The following GRM7 variants were observed in gnomAD, a reference collection of about 807,000 sequenced individuals.
The protein encoded by GRM7 is glutamate metabotropic receptor 7.
In GRM7, 35 loss-of-function variants were observed where a neutral mutation model predicts 84.5. The ratio of observed to expected loss-of-function variants is 0.41; its 90% CI spans 0.32 to 0.55. The LOEUF (loss-of-function observed/expected upper bound fraction) is 0.55. Ranked by LOEUF, GRM7 falls within the 20% of genes least tolerant of loss-of-function variation. The probability of loss-of-function intolerance (pLI) is 0.19; values close to 1 mark genes in which losing one functional copy is unlikely to be tolerated. For synonymous variants in GRM7, 487 were observed against 455.1 expected, an observed-to-expected ratio of 1.07 and a Z score of -0.89; for missense variants, 1,003 against 1,194.6, an observed-to-expected ratio of 0.84 and a Z score of 2.36.
intron 1 of GRM7, among the ~76,000 whole-genome samples, chr3:6,877,813 A>T (rs1297913409): frequency 9.7e-5 from 2 of 20,694 alleles, no homozygotes; most frequent in Non-Finnish European, 2.3e-4. Flanking sequence ...CAGATATCAC[A>T]CACACACACA....
chr3:7,320,948 T>C (rs78617044), intron 4 of GRM7, among the ~76,000 whole-genome samples: 5,189 of 152,074 alleles, frequency 0.034, 271 homozygotes, highest in African/African-American at 0.11. Context: ...TCCTGTCTTT[T>C]TGAAGAAGAT....
intron 1 of GRM7, among the ~76,000 whole-genome samples, chr3:7,051,969 T>G (rs1215374957): frequency 7.3e-5 from 11 of 151,692 alleles, no homozygotes; most frequent in Non-Finnish European, 1.2e-4. Context: ...TAATTTTTTT[T>G]TGTGCCAGAA....
intron 7 of GRM7, among the ~76,000 whole-genome samples, chr3:7,509,447 G>A (rs1242213228): frequency 6.6e-6 from 1 of 152,120 alleles, no homozygotes; most frequent in Non-Finnish European, 1.5e-5. Context: ...CGTCTACTGG[G>A]GTCTTGGAAT....
intron 9 of GRM7, among the ~76,000 whole-genome samples, chr3:7,682,927 C>G (rs1457515557): frequency 2.6e-5 from 4 of 152,166 alleles, no homozygotes; most frequent in Non-Finnish European, 5.9e-5. Context: ...TCTTATTTTA[C>G]TGAGGAAACC....
chr3:7,115,861 G>C (rs949519139), intron 1 of GRM7, among the ~76,000 whole-genome samples: 4 of 152,068 alleles, frequency 2.6e-5, no homozygotes, highest in African/African-American at 7.2e-5. Context: ...TCATCCTCCT[G>C]GAACAGTCTA....
At chr3:7,599,734 C>A (rs545211785) in intron 8 of GRM7, among the ~76,000 whole-genome samples, 13 of 152,236 alleles carry the variant, frequency 8.5e-5, no homozygotes, top group African/African-American at 2.9e-4. Flanking sequence ...TCTTATACTC[C>A]TGAAAATCAG....
intron 5 of GRM7, among the ~76,000 whole-genome samples, chr3:7,421,079 T>A (rs1337428525): frequency 6.6e-6 from 1 of 152,226 alleles, no homozygotes; most frequent in Non-Finnish European, 1.5e-5. Context: ...GACTTTAGTG[T>A]AACATTAAAT....
intron 1 of GRM7, among the ~76,000 whole-genome samples, chr3:7,020,386 A>T (rs1461434153): frequency 6.6e-6 from 1 of 152,098 alleles, no homozygotes; most frequent in African/African-American, 2.4e-5. Context: ...ACATGGGGGG[A>T]TTTTTATAGC....
chr3:7,337,998 C>A (rs60607970), intron 4 of GRM7, among the ~76,000 whole-genome samples: 5,927 of 151,550 alleles, frequency 0.039, 242 homozygotes, highest in African/African-American at 0.11. Flanking sequence ...ATGAAACCAG[C>A]CTAAATGCCC....
chr3:7,692,530 A>G (rs1032018230), intron 9 of GRM7, among the ~76,000 whole-genome samples: 1 of 152,152 alleles, frequency 6.6e-6, no homozygotes, highest in Admixed American at 6.6e-5. Context: ...GGCCAGACTC[A>G]TTCATCTCAG....
intron 1 of GRM7, among the ~76,000 whole-genome samples, chr3:7,020,952 T>A (rs1175527029): frequency 6.6e-6 from 1 of 152,170 alleles, no homozygotes. Flanking sequence ...CATCCCTGAC[T>A]ATGACTGTAG....
chr3:7,584,603 G>A (rs1183463947), intron 8 of GRM7, among the ~76,000 whole-genome samples: 6 of 152,158 alleles, frequency 3.9e-5, no homozygotes, highest in Non-Finnish European at 7.3e-5. Context: ...TTTGAAATGG[G>A]AATTTTGGAA....
chr3:7,469,184 G>A (rs1406812141), intron 7 of GRM7, among the ~76,000 whole-genome samples: 2 of 152,160 alleles, frequency 1.3e-5, no homozygotes, highest in Non-Finnish European at 2.9e-5. Flanking sequence ...AGTGCCTATT[G>A]GATGAATGGA....
rs143091011 is a variant in GRM7, at chr3:7,452,483, T to C, written c.1175-124T>C. On this transcript the variant is annotated intron_variant, in intron 5 of 9. Coordinates refer to ENST00000357716, the MANE Select transcript of GRM7 (RefSeq NM_000844.4). ...GGCAAATGTGGCTTGAATTACTGTA[T>C]TTATCGAAGCAGTGTTTTCTTTAAG... 152 of 703,526 alleles carry C rather than the reference T, an allele frequency of 2.2e-4. 1 individual carries two copies. The African/African-American group carries it at 2.3e-3, about 11-fold the overall frequency. The allele number at this position is 703,526 out of a possible 1,614,324, so 43.6% of individuals were successfully genotyped here. A position where few individuals can be genotyped will look rare whatever the true frequency, so the allele number is the denominator to read the frequency against.
rs1256853265 is a variant in GRM7, at chr3:7,466,516, ATATAT to A, written c.1515+4798_1515+4802del. Among the ~76,000 whole-genome samples the A allele has an allele frequency of 3.9e-5, 6 of 152,338 alleles. No individual in the cohort carries two copies. In the East Asian group the frequency reaches 1.2e-3, roughly 29 times the overall value. ...ATTCTAAATCGATGTTGTAAGTAAA[ATATAT>A]TATGTGTGATAGAAACCATGATGGT... is the stretch of plus-strand genomic sequence containing the variant. On this transcript the variant is annotated intron_variant, in intron 7 of 9. Coordinates refer to ENST00000357716, the MANE Select transcript of GRM7 (RefSeq NM_000844.4).
At chr3:7,024,893 A>C (rs1265887816) in intron 1 of GRM7, among the ~76,000 whole-genome samples, 1 of 152,228 alleles carries the variant, frequency 6.6e-6, no homozygotes, top group Non-Finnish European at 1.5e-5. Context: ...CCACAACCTT[A>C]GTGGCTTAAA....
intron 1 of GRM7, among the ~76,000 whole-genome samples, chr3:6,982,123 G>A (rs1040556278): frequency 2.6e-5 from 4 of 152,132 alleles, no homozygotes; most frequent in Non-Finnish European, 5.9e-5. Context: ...CCATAAAAAA[G>A]AACAAAATCA....
intron 2 of GRM7, among the ~76,000 whole-genome samples, chr3:7,222,720 T>G (rs1390924899): frequency 6.6e-6 from 1 of 152,206 alleles, no homozygotes; most frequent in East Asian, 1.9e-4. Flanking sequence ...AGAAATTAAT[T>G]TAAAAGGCAA....
At chr3:7,590,813 G>A (rs1341442933) in intron 8 of GRM7, among the ~76,000 whole-genome samples, 3 of 152,088 alleles carry the variant, frequency 2.0e-5, no homozygotes, top group Non-Finnish European at 2.9e-5. Flanking sequence ...CTCCACCCCA[G>A]TCATGTTCTG....
Sources: gnomAD v4.1 joint callset for allele counts (sites outside exome capture counted in the v4.1 genomes callset) on GRCh38, gnomAD v4.1.1 for gene constraint, MANE v1.5 for transcripts, NCBI Gene and HGNC (gene_info 2026-07-23, HGNC 2026-07-21) for gene names.